Variants in CCSER1 observed in about 807,000 individuals in gnomAD.
The protein encoded by CCSER1 is serine-rich coiled-coil domain-containing protein 1.
Under a neutral mutation model 82.0 loss-of-function variants are expected in CCSER1, and 41 were observed. The ratio of observed to expected loss-of-function variants is 0.50; its 90% CI spans 0.39 to 0.65. CCSER1 has a LOEUF of 0.65. CCSER1 is among the 30% of genes least tolerant of loss of function. CCSER1 has a pLI of 0.00. For synonymous variants in CCSER1, 414 were observed against 383.9 expected (o/e 1.08, Z -0.92); for missense variants, 1,119 against 1,064.2 (o/e 1.05, Z -0.72).
intron 10 of CCSER1, among the ~76,000 whole-genome samples, chr4:91,507,609 C>T (rs540805497): frequency 6.7e-6 from 1 of 150,104 alleles, no homozygotes; most frequent in South Asian, 2.1e-4. Context: ...ATTAGGTTGT[C>T]TTTTTTTTTG....
chr4:90,720,074 G>T (rs142607750), intron 6 of CCSER1, among the ~76,000 whole-genome samples: 348 of 152,040 alleles, frequency 2.3e-3, no homozygotes, highest in African/African-American at 7.9e-3. Context: ...GTTGTTGTTC[G>T]AATTGTTCCA....
At chr4:91,226,688 T>C (rs985555979) in intron 10 of CCSER1, among the ~76,000 whole-genome samples, 17 of 151,938 alleles carry the variant, frequency 1.1e-4, no homozygotes, top group African/African-American at 4.1e-4. Flanking sequence ...TTATGAAACT[T>C]CAAGTAAAAT....
At chr4:90,655,718 A>G (rs531720857) in intron 6 of CCSER1, among the ~76,000 whole-genome samples, 30 of 152,100 alleles carry the variant, frequency 2.0e-4, no homozygotes, top group African/African-American at 7.2e-4. Context: ...TGATGGATGC[A>G]AAAATATAGC....
intron 10 of CCSER1, among the ~76,000 whole-genome samples, chr4:91,371,460 A>T (rs1750043369): frequency 6.6e-6 from 1 of 152,138 alleles, no homozygotes; most frequent in Non-Finnish European, 1.5e-5. Flanking sequence ...ACTTCACTTA[A>T]CATAATGTCC....
At chr4:91,477,039 A>G (rs757867038) in intron 10 of CCSER1, among the ~76,000 whole-genome samples, 2 of 151,704 alleles carry the variant, frequency 1.3e-5, no homozygotes, top group Non-Finnish European at 3.0e-5. Flanking sequence ...CTCAAAAAAC[A>G]CTAACAACAA....
intron 10 of CCSER1, among the ~76,000 whole-genome samples, chr4:91,498,199 T>C (rs985073194): frequency 1.3e-5 from 2 of 151,984 alleles, no homozygotes; most frequent in Non-Finnish European, 2.9e-5. Flanking sequence ...TGCTGCAAAA[T>C]AAAGGTTGAA....
At chr4:90,557,759 T>C (rs917429600) in intron 5 of CCSER1, among the ~76,000 whole-genome samples, 2 of 152,158 alleles carry the variant, frequency 1.3e-5, no homozygotes, top group Non-Finnish European at 2.9e-5. Flanking sequence ...TAAGGACTTC[T>C]ACGAATGTGG....
chr4:90,200,846 G>A (rs184950919), intron 1 of CCSER1, among the ~76,000 whole-genome samples: 45 of 152,038 alleles, frequency 3.0e-4, no homozygotes, highest in African/African-American at 1.0e-3. Flanking sequence ...TACTTATATA[G>A]CTCCTATGTA....
At chr4:90,247,864 G>A (rs116684696) in intron 1 of CCSER1, among the ~76,000 whole-genome samples, 3 of 150,248 alleles carry the variant, frequency 2.0e-5, no homozygotes, top group South Asian at 2.1e-4. Flanking sequence ...GGTTTTTTTT[G>A]AAAAAAGCAT....
chr4:91,218,046 C>T (rs2149095214), intron 10 of CCSER1, among the ~76,000 whole-genome samples: 1 of 152,318 alleles, frequency 6.6e-6, no homozygotes, highest in African/African-American at 2.4e-5. Flanking sequence ...GAGGCTCCGG[C>T]CGCACAGGAG....
chr4:90,253,754 C>T (rs1261947656), intron 1 of CCSER1, among the ~76,000 whole-genome samples: 1 of 152,176 alleles, frequency 6.6e-6, no homozygotes, highest in Non-Finnish European at 1.5e-5. Flanking sequence ...CATGCACACA[C>T]TCTGGTCTTT....
chr4:90,650,902 A>G (rs532024561), intron 6 of CCSER1, among the ~76,000 whole-genome samples: 16 of 152,248 alleles, frequency 1.1e-4, no homozygotes, highest in Admixed American at 3.9e-4. Context: ...ATAACTAAGA[A>G]GCAGTATTGC....
At chr4:90,463,688 T>C (rs1281025397) in intron 4 of CCSER1, among the ~76,000 whole-genome samples, 3 of 152,156 alleles carry the variant, frequency 2.0e-5, no homozygotes, top group Non-Finnish European at 4.4e-5. Flanking sequence ...AATTTGCCAA[T>C]TAATAGTAAA....
At chr4:90,390,653 T>C (rs1170366771) in intron 3 of CCSER1, among the ~76,000 whole-genome samples, 1 of 152,234 alleles carries the variant, frequency 6.6e-6, no homozygotes, top group Non-Finnish European at 1.5e-5. Context: ...ATAGTGTATA[T>C]GCACCACATT....
At chr4:90,156,131 C>T (rs1728096832) in intron 1 of CCSER1, among the ~76,000 whole-genome samples, 1 of 152,106 alleles carries the variant, frequency 6.6e-6, no homozygotes, top group Non-Finnish European at 1.5e-5. Context: ...TCGTTATGTA[C>T]CCAGTAGTCA....
At chr4:90,614,148 T>A (rs1433461228) in intron 5 of CCSER1, among the ~76,000 whole-genome samples, 1 of 152,172 alleles carries the variant, frequency 6.6e-6, no homozygotes, top group Non-Finnish European at 1.5e-5. Context: ...GTTATGGTGA[T>A]CTATGATCAG....
intron 10 of CCSER1, among the ~76,000 whole-genome samples, chr4:91,311,724 C>T (rs1160550079): frequency 6.6e-6 from 1 of 151,894 alleles, no homozygotes; most frequent in Non-Finnish European, 1.5e-5. Context: ...GTGCCACATG[C>T]TCATGTGATG....
intron 1 of CCSER1, among the ~76,000 whole-genome samples, chr4:90,255,267 T>A (rs1180666889): frequency 6.6e-6 from 1 of 152,074 alleles, no homozygotes; most frequent in Non-Finnish European, 1.5e-5. Flanking sequence ...CATAACCATA[T>A]ATTTTTTTTT....
chr4:91,460,013 G>A (rs991901149), intron 10 of CCSER1, among the ~76,000 whole-genome samples: 5 of 152,126 alleles, frequency 3.3e-5, no homozygotes, highest in Non-Finnish European at 7.3e-5. Context: ...GCATTTTGAA[G>A]GGAAATATGT....
Sources: gnomAD v4.1 joint callset for allele counts (sites outside exome capture counted in the v4.1 genomes callset) on GRCh38, gnomAD v4.1.1 for gene constraint, MANE v1.5 for transcripts, NCBI Gene and HGNC (gene_info 2026-07-23, HGNC 2026-07-21) for gene names.